SOX6: variants seen among roughly 807,000 people sequenced by gnomAD.
SOX6 encodes transcription factor SOX-6.
A neutral mutation model predicts 97.8 loss-of-function variants in SOX6; 11 were observed. The ratio of observed to expected loss-of-function variants is 0.11; its 90% CI spans 0.07 to 0.19. The LOEUF (loss-of-function observed/expected upper bound fraction) is 0.19, where lower values mean the gene tolerates loss of function less well. SOX6 is among the 10% of genes least tolerant of loss of function. The pLI, the probability that SOX6 is intolerant of heterozygous loss-of-function variation, is 1.00. For synonymous variants in SOX6, 360 were observed against 371.4 expected, an observed-to-expected ratio of 0.97 and a Z score of 0.35; for missense variants, 810 against 1,039.5, an observed-to-expected ratio of 0.78 and a Z score of 3.04.
chr11:16,401,479 A>G (rs1858556680), intron 1 of SOX6, among the ~76,000 whole-genome samples: 1 of 151,538 alleles, frequency 6.6e-6, no homozygotes, highest in African/African-American at 2.4e-5. Context: ...AACAAGTTAG[A>G]CATGTTTTTT....
intron 3 of SOX6, among the ~76,000 whole-genome samples, chr11:16,307,191 A>T (rs745795615): frequency 6.6e-6 from 1 of 152,220 alleles, no homozygotes; most frequent in Non-Finnish European, 1.5e-5. Context: ...TAGGCATAAT[A>T]GAAATTGATA....
chr11:16,266,201 T>C (rs1035485337), intron 3 of SOX6, among the ~76,000 whole-genome samples: 1 of 151,788 alleles, frequency 6.6e-6, no homozygotes, highest in Non-Finnish European at 1.5e-5. Context: ...CAGGTTATTG[T>C]AGAGGAACTA....
chr11:16,072,837 C>A (rs1848257195), intron 9 of SOX6, among the ~76,000 whole-genome samples: 1 of 152,108 alleles, frequency 6.6e-6, no homozygotes, highest in African/African-American at 2.4e-5. Context: ...CATATTCAGA[C>A]AAACTAAGCT....
At chr11:16,616,574 T>C (rs1480563374) in intron 3 of SOX6, among the ~76,000 whole-genome samples, 2 of 152,016 alleles carry the variant, frequency 1.3e-5, no homozygotes, top group African/African-American at 2.4e-5. Context: ...GTGCCTAGTA[T>C]GTGCAAAACA....
chr11:16,146,089 T>C (rs1850286372), intron 6 of SOX6, among the ~76,000 whole-genome samples: 1 of 152,164 alleles, frequency 6.6e-6, no homozygotes, highest in Admixed American at 6.5e-5. Flanking sequence ...TCACGCTACC[T>C]GACTTCAAAC....
intron 9 of SOX6, among the ~76,000 whole-genome samples, chr11:16,076,460 C>T (rs1004844435): frequency 2.0e-5 from 3 of 150,066 alleles, no homozygotes; most frequent in African/African-American, 7.3e-5. Flanking sequence ...TTAATAGACA[C>T]TTTTCAAAAG....
intron 1 of SOX6, among the ~76,000 whole-genome samples, chr11:16,349,706 AAGGAAGGAAGAAGGAAGG>A (rs1856874636): frequency 2.3e-5 from 1 of 44,236 alleles, no homozygotes; most frequent in Non-Finnish European, 6.1e-5. Flanking sequence ...GGAAGGAAGG[AAGGAAGGAAGAAGGAAGG>A]AAGGAAGGAA....
At chr11:16,341,366 T>C in intron 1 of SOX6, 114 bp from the exon 2 acceptor site, 1 of 1,439,334 alleles carries the variant, frequency 6.9e-7, no homozygotes. Context: ...TTAGAGATAT[T>C]TGTGGTCCAC....
At chr11:16,437,511 A>ACATCCCGGCT in intron 1 of SOX6, among the ~76,000 whole-genome samples, 1 of 152,200 alleles carries the variant, frequency 6.6e-6, no homozygotes, top group African/African-American at 2.4e-5. Flanking sequence ...AATTAAGATT[A>ACATCCCGGCT]AAGGTCTTAT....
At chr11:16,658,086 A>G (rs938538079) in intron 3 of SOX6, among the ~76,000 whole-genome samples, 4 of 152,178 alleles carry the variant, frequency 2.6e-5, no homozygotes, top group Non-Finnish European at 5.9e-5. Context: ...CATTTTTCCA[A>G]TGTGGCTATA....
At chr11:16,274,776 G>A (rs1854348353) in intron 3 of SOX6, among the ~76,000 whole-genome samples, 1 of 152,144 alleles carries the variant, frequency 6.6e-6, no homozygotes. Flanking sequence ...AGTATTTTCA[G>A]ACAGCTAACC....
intron 4 of SOX6, among the ~76,000 whole-genome samples, chr11:16,489,856 A>G (rs894656527): frequency 4.6e-5 from 7 of 152,114 alleles, no homozygotes; most frequent in Non-Finnish European, 8.8e-5. Flanking sequence ...GAAGGCTAGG[A>G]GGCAGATCTA....
chr11:16,522,614 A>T (rs1279950632), intron 4 of SOX6, among the ~76,000 whole-genome samples: 1 of 152,206 alleles, frequency 6.6e-6, no homozygotes, highest in Admixed American at 6.5e-5. Flanking sequence ...TGACACGATC[A>T]AATTCACACA....
rs1414126763 is a variant in SOX6 at position 16,403,399 on chromosome 11, G to A, written c.-4-62147C>T. On this transcript the variant is annotated intron_variant, in intron 1 of 15. Coordinates refer to the SOX6 transcript ENST00000396356. ...GATGATTGGTCTGTGCGGCCATACC[G>A]GCACTCTGTAGAATTGTTTTCTTTT... is the stretch of plus-strand genomic sequence containing the variant. Among the ~76,000 whole-genome samples, 4 of 151,610 alleles carry A rather than the reference G, an allele frequency of 2.6e-5. No individual in the cohort carries two copies. The East Asian group carries it at 5.8e-4, about 22-fold the overall frequency.
intron 11 of SOX6, 116 bp downstream of exon 11, chr11:16,049,639 G>T: frequency 8.6e-7 from 1 of 1,162,112 alleles, no homozygotes; most frequent in South Asian, 1.4e-5. Context: ...GAAAAGATAA[G>T]AGTATTATCT....
chr11:16,031,747 G>A (rs563743184), intron 12 of SOX6, among the ~76,000 whole-genome samples: 2 of 152,130 alleles, frequency 1.3e-5, no homozygotes, highest in East Asian at 3.9e-4. Context: ...GAGGAACAAG[G>A]GGAACAGGAA....
In SOX6 at chr11:16,049,869, T is replaced by C. The variant is rs1465681874; in HGVS notation, c.1321A>G (p.Thr441Ala). The C allele has an allele frequency of 3.1e-6, 5 of 1,613,600 alleles. No homozygotes were observed. The African/African-American group carries it at 4.0e-5, about 13-fold the overall frequency. ...GGGAAGAGGTTCTGGGTGGGAGACG[T>C]TGGGGACTTTACAGGCTCTGCTGTC... is the stretch of plus-strand genomic sequence containing the variant. ...PKTAEPVKSPTSPTQNLFPAS... is the reference protein window; with the variant it reads ...PKTAEPVKSPASPTQNLFPAS... Residue 441 changes from threonine to alanine, a missense_variant, in exon 11 of 16, where the codon ACG becomes GCG. This residue lies in a region of SOX6 where 244 missense variants were observed against 261.0 expected (regional missense o/e 0.93). Transcript: ENST00000683767.
intron 6 of SOX6, among the ~76,000 whole-genome samples, chr11:16,178,971 T>G (rs756576122): frequency 2.6e-5 from 4 of 151,908 alleles, no homozygotes; most frequent in Non-Finnish European, 5.9e-5. Flanking sequence ...TACTTAATGA[T>G]GAAACATATC....
chr11:16,346,608 A>G (rs1384094517), intron 1 of SOX6, among the ~76,000 whole-genome samples: 3 of 151,976 alleles, frequency 2.0e-5, no homozygotes, highest in Non-Finnish European at 4.4e-5. Flanking sequence ...TATTTCTTCC[A>G]TTAAGTAATT....
Sources: allele counts gnomAD v4.1 joint callset (sites outside exome capture counted in the v4.1 genomes callset), GRCh38; gene constraint gnomAD v4.1.1; regional missense constraint gnomAD v4.1.1; transcripts MANE v1.5; gene names NCBI Gene and HGNC (gene_info 2026-07-23, HGNC 2026-07-21).